SEZ6L: variants seen among roughly 807,000 people sequenced by gnomAD.
SEZ6L encodes seizure related 6 homolog like.
SEZ6L carries 37 observed loss-of-function variants against 106.2 expected under a neutral mutation model. That is an observed-to-expected ratio of 0.35 (90% CI 0.27 to 0.46). SEZ6L has a LOEUF of 0.46. Ranked by LOEUF, SEZ6L falls within the 20% of genes least tolerant of loss-of-function variation. The pLI is 1.00. For synonymous variants in SEZ6L, 541 were observed against 570.4 expected, an observed-to-expected ratio of 0.95 and a Z score of 0.73; for missense variants, 1,172 against 1,332.8, an observed-to-expected ratio of 0.88 and a Z score of 1.88.
At chr22:26,306,453 A>T (rs1412651928) in intron 6 of SEZ6L, among the ~76,000 whole-genome samples, 2 of 152,170 alleles carry the variant, frequency 1.3e-5, no homozygotes, top group Non-Finnish European at 2.9e-5. Context: ...ACAAAAAGAG[A>T]GTATGTATTG....
At position 26,169,510 on chromosome 22, in the gene SEZ6L, T is replaced by G. The variant is rs1938416311; in HGVS notation, c.-160T>G. ...AGCTCGGCCAGAGCGACCGCGGGGC[T>G]GAGCGCGCGTCCGCCCAGGGGGCTC... On this transcript the variant is annotated 5_prime_UTR_variant, in exon 1 of 17. Coordinates refer to ENST00000248933, the MANE Select transcript of SEZ6L (RefSeq NM_021115.5). 2.8e-6 allele frequency: 1 copy of G among 361,534 alleles called. No individual in the cohort carries two copies. Among genetic ancestry groups the G allele is most frequent in the African/African-American group, 2.1e-5 (1 of 46,982 alleles). The allele number at this position is 361,534 out of a possible 1,614,324, so 22.4% of individuals were successfully genotyped here.
intron 1 of SEZ6L, among the ~76,000 whole-genome samples, chr22:26,170,079 C>T (rs1459562833): frequency 1.3e-5 from 2 of 152,072 alleles, no homozygotes; most frequent in Non-Finnish European, 2.9e-5. Flanking sequence ...GCCTCCAAAC[C>T]CCAAATTCCC....
intron 3 of SEZ6L, among the ~76,000 whole-genome samples, chr22:26,294,787 T>G (rs140540371): frequency 2.1e-3 from 321 of 152,174 alleles, no homozygotes; most frequent in African/African-American, 7.2e-3. Flanking sequence ...TTTGATTCTT[T>G]CTTGCTTGCT....
intron 1 of SEZ6L, among the ~76,000 whole-genome samples, chr22:26,286,429 A>C (rs1471797483): frequency 1.3e-5 from 2 of 152,236 alleles, no homozygotes; most frequent in African/African-American, 2.4e-5. Context: ...AAAAAGTAGG[A>C]AGGAGAAAAT....
At chr22:26,194,935 A>G (rs899849363) in intron 1 of SEZ6L, among the ~76,000 whole-genome samples, 2 of 152,228 alleles carry the variant, frequency 1.3e-5, no homozygotes, top group Non-Finnish European at 2.9e-5. Flanking sequence ...AAGTTCCCTC[A>G]GCTTCCAGAA....
intron 11 of SEZ6L, among the ~76,000 whole-genome samples, chr22:26,348,642 A>AAGAAAGAAAG (rs1569473610): frequency 3.2e-5 from 1 of 31,220 alleles, no homozygotes; most frequent in African/African-American, 2.0e-4. Context: ...GAAAGAAAGA[A>AAGAAAGAAAG]AGAAAAAGAA....
intron 14 of SEZ6L, among the ~76,000 whole-genome samples, chr22:26,375,004 C>T (rs1032524458): frequency 6.6e-6 from 1 of 152,102 alleles, no homozygotes; most frequent in East Asian, 1.9e-4. Context: ...GAGAGTAGAA[C>T]TCAAAAGGTC....
intron 1 of SEZ6L, among the ~76,000 whole-genome samples, chr22:26,285,197 G>A (rs73156895): frequency 0.042 from 6,371 of 152,206 alleles, 143 homozygotes; most frequent in Middle Eastern, 0.061. Context: ...GACCACAGGG[G>A]GCCGGCAGCT....
chr22:26,263,739 T>A (rs1376541041), intron 1 of SEZ6L, among the ~76,000 whole-genome samples: 1 of 152,168 alleles, frequency 6.6e-6, no homozygotes, highest in Admixed American at 6.5e-5. Context: ...CAGGAAAATC[T>A]CCACTCCACC....
At chr22:26,307,820 G>A (rs2081682293) in intron 6 of SEZ6L, among the ~76,000 whole-genome samples, 1 of 152,106 alleles carries the variant, frequency 6.6e-6, no homozygotes, top group South Asian at 2.1e-4. Context: ...TAGACAACAA[G>A]AATTAGCAGA....
intron 10 of SEZ6L, among the ~76,000 whole-genome samples, chr22:26,342,588 C>T (rs1270091077): frequency 6.6e-6 from 1 of 151,538 alleles, no homozygotes; most frequent in African/African-American, 2.4e-5. Context: ...CCCAGCTACT[C>T]GGGAGGCTGA....
At chr22:26,255,471 C>T (rs1602180328) in intron 1 of SEZ6L, among the ~76,000 whole-genome samples, 1 of 152,310 alleles carries the variant, frequency 6.6e-6, no homozygotes, top group African/African-American at 2.4e-5. Context: ...GCCTCCCTTG[C>T]CCACTACATG....
intron 1 of SEZ6L, among the ~76,000 whole-genome samples, chr22:26,246,656 C>T (rs1192231235): frequency 1.3e-5 from 2 of 152,128 alleles, no homozygotes; most frequent in Non-Finnish European, 2.9e-5. Flanking sequence ...CGATTAATCC[C>T]ACAACATTTC....
chr22:26,204,887 G>C (rs957414646), intron 1 of SEZ6L, among the ~76,000 whole-genome samples: 1 of 152,184 alleles, frequency 6.6e-6, no homozygotes, highest in Non-Finnish European at 1.5e-5. Flanking sequence ...CAGTGGTTCT[G>C]TTCACTGCCC....
chr22:26,234,604 G>C (rs34797807), intron 1 of SEZ6L, among the ~76,000 whole-genome samples: 1 of 152,204 alleles, frequency 6.6e-6, no homozygotes, highest in African/African-American at 2.4e-5. Flanking sequence ...AATAAGGCTG[G>C]GGGCTCATCT....
chr22:26,280,453 C>G (rs586156), intron 1 of SEZ6L, among the ~76,000 whole-genome samples: 48,309 of 151,986 alleles, frequency 0.32, 8,254 homozygotes, highest in Non-Finnish European at 0.38. Flanking sequence ...ATATATGTAG[C>G]CTTGTTTTAT....
At chr22:26,371,547 G>A (rs1165339125) in intron 13 of SEZ6L, among the ~76,000 whole-genome samples, 1 of 151,986 alleles carries the variant, frequency 6.6e-6, no homozygotes, top group Non-Finnish European at 1.5e-5. Context: ...TAGGAGAATC[G>A]CTTGAAACCG....
rs141031812 is a variant in SEZ6L, at chr22:26,323,121, G to A, written c.2015+9219G>A. 1.6e-4 allele frequency among the ~76,000 whole-genome samples: 24 copies of A among 152,280 alleles called. No individual in the cohort carries two copies. In the East Asian group the frequency reaches 3.7e-3, roughly 23 times the overall value. ...GCTTGTGGCCACAAGAGCTCAGCAC[G>A]GGGGCCACAACCTTGAAGATGCCTT... On this transcript the variant is annotated intron_variant, in intron 9 of 16. Coordinates refer to ENST00000248933, the MANE Select transcript of SEZ6L (RefSeq NM_021115.5).
intron 1 of SEZ6L, among the ~76,000 whole-genome samples, chr22:26,225,164 G>T (rs951729590): frequency 3.3e-5 from 5 of 152,128 alleles, no homozygotes; most frequent in African/African-American, 1.2e-4. Flanking sequence ...TTTCTCCCAG[G>T]CTCAAGTAAT....
Sources: gnomAD v4.1 joint callset for allele counts (sites outside exome capture counted in the v4.1 genomes callset) on GRCh38, gnomAD v4.1.1 for gene constraint, MANE v1.5 for transcripts, NCBI Gene and HGNC (gene_info 2026-07-23, HGNC 2026-07-21) for gene names.